Variants in GALNTL6 observed in about 807,000 individuals in gnomAD.
The protein encoded by GALNTL6 is polypeptide N-acetylgalactosaminyltransferase like 6.
A neutral mutation model predicts 73.7 loss-of-function variants in GALNTL6; 46 were observed. The ratio of observed to expected loss-of-function variants is 0.62; its 90% CI spans 0.49 to 0.80. The LOEUF (loss-of-function observed/expected upper bound fraction) is 0.80, where lower values mean the gene tolerates loss of function less well. GALNTL6 is among the 30% of genes least tolerant of loss of function. The pLI is 0.00. For synonymous variants in GALNTL6, 259 were observed against 263.7 expected (o/e 0.98, Z 0.17); for missense variants, 604 against 755.0 (o/e 0.80, Z 2.34).
intron 2 of GALNTL6, among the ~76,000 whole-genome samples, chr4:171,985,111 T>C (rs1320659544): frequency 1.3e-5 from 2 of 152,184 alleles, no homozygotes; most frequent in East Asian, 3.8e-4. Context: ...TTTATTGTGG[T>C]AACTGGCTTG....
intron 2 of GALNTL6, among the ~76,000 whole-genome samples, chr4:171,894,713 A>G (rs1420944841): frequency 6.6e-6 from 1 of 152,166 alleles, no homozygotes; most frequent in African/African-American, 2.4e-5. Flanking sequence ...TTCAAGTGAC[A>G]AAGTTGATAC....
At chr4:171,927,487 T>C (rs1042132731) in intron 2 of GALNTL6, among the ~76,000 whole-genome samples, 1 of 152,176 alleles carries the variant, frequency 6.6e-6, no homozygotes, top group Non-Finnish European at 1.5e-5. Context: ...ATATTATAAT[T>C]AGAGTAACTA....
At chr4:171,884,594 T>TC (rs1221223449) in intron 2 of GALNTL6, among the ~76,000 whole-genome samples, 4 of 151,866 alleles carry the variant, frequency 2.6e-5, no homozygotes. Context: ...ATATACATAT[T>TC]CATTTCAAAT....
chr4:172,444,954 G>A (rs1394228649), intron 5 of GALNTL6, among the ~76,000 whole-genome samples: 1 of 152,158 alleles, frequency 6.6e-6, no homozygotes, highest in African/African-American at 2.4e-5. Flanking sequence ...TGAACTCAAG[G>A]TAGATGTGGC....
chr4:172,183,001 TC>T (rs1337445347), intron 2 of GALNTL6, among the ~76,000 whole-genome samples: 1 of 152,302 alleles, frequency 6.6e-6, no homozygotes, highest in Non-Finnish European at 1.5e-5. Flanking sequence ...AGAAGACTGG[TC>T]CATTTTATTG....
At chr4:173,006,912 G>A (rs1163693393) in intron 10 of GALNTL6, among the ~76,000 whole-genome samples, 1 of 152,216 alleles carries the variant, frequency 6.6e-6, no homozygotes, top group Non-Finnish European at 1.5e-5. Flanking sequence ...GTTAAGAACT[G>A]TTCCCCTGTA....
At chr4:172,089,457 T>A (rs552075365) in intron 2 of GALNTL6, among the ~76,000 whole-genome samples, 1 of 152,262 alleles carries the variant, frequency 6.6e-6, no homozygotes, top group South Asian at 2.1e-4. Context: ...CAGTTTCAGT[T>A]TGCAGGGCTT....
At chr4:171,954,508 A>G (rs1738985157) in intron 2 of GALNTL6, among the ~76,000 whole-genome samples, 1 of 152,228 alleles carries the variant, frequency 6.6e-6, no homozygotes. Context: ...CTTCTGATTC[A>G]TGCAAAGTTA....
intron 2 of GALNTL6, among the ~76,000 whole-genome samples, chr4:172,059,204 T>A (rs1254529523): frequency 6.6e-6 from 1 of 152,178 alleles, no homozygotes; most frequent in Non-Finnish European, 1.5e-5. Context: ...GTGTTCTCTA[T>A]GAGAAGGAAG....
chr4:173,020,186 T>C (rs994521824), intron 11 of GALNTL6, among the ~76,000 whole-genome samples: 5 of 152,270 alleles, frequency 3.3e-5, no homozygotes, highest in African/African-American at 1.2e-4. Flanking sequence ...CAAATACCCT[T>C]ATTTGTTGTA....
At chr4:172,259,287 A>G (rs544129719) in intron 3 of GALNTL6, among the ~76,000 whole-genome samples, 1 of 151,448 alleles carries the variant, frequency 6.6e-6, no homozygotes, top group South Asian at 2.1e-4. Context: ...AATTTTTTAA[A>G]TTATGGCCAT....
Position 172,117,282 on chromosome 4 carries a change from T to C in GALNTL6, c.139-112374T>C, listed in dbSNP as rs150903943. On this transcript the variant is annotated intron_variant, in intron 2 of 12. Transcript: ENST00000506823. ...ATTAAACTGACCGTATTATATGCTA[T>C]GGTAATCACATATTGTCTAAAATGT... is the stretch of plus-strand genomic sequence containing the variant. Among the ~76,000 whole-genome samples, 591 of 152,342 alleles carry C rather than the reference T, an allele frequency of 3.9e-3. 3 individuals are homozygous for C. Among genetic ancestry groups the C allele is most frequent in the African/African-American group, 0.013 (552 of 41,588 alleles).
chr4:172,810,821 C>A (rs930894370), intron 6 of GALNTL6, among the ~76,000 whole-genome samples: 10 of 152,120 alleles, frequency 6.6e-5, no homozygotes, highest in Admixed American at 2.6e-4. Flanking sequence ...GCTTCATCAG[C>A]AACAGTGAGA....
At chr4:172,500,035 TG>T (rs1193388829) in intron 5 of GALNTL6, among the ~76,000 whole-genome samples, 10 of 152,108 alleles carry the variant, frequency 6.6e-5, no homozygotes, top group Non-Finnish European at 2.9e-5. Context: ...AATTTATAAA[TG>T]GGTCAAAATA....
chr4:172,386,443 G>A (rs1038129055), intron 5 of GALNTL6, among the ~76,000 whole-genome samples: 1 of 152,112 alleles, frequency 6.6e-6, no homozygotes, highest in Non-Finnish European at 1.5e-5. Context: ...CTTCATGAGA[G>A]TATTGTTATA....
At position 171,988,266 on chromosome 4, in the gene GALNTL6, C is replaced by G. The variant is rs551407659; in HGVS notation, c.138+173548C>G. The stretch of plus-strand genomic sequence containing the variant: ...GAGTTCTTGTTTTGTAAGGGATTGA[C>G]GTTTGGGAGATTAATCGGCCACAAT... On this transcript the variant is annotated intron_variant, in intron 2 of 12. Transcript: ENST00000506823. 1.1e-3 allele frequency among the ~76,000 whole-genome samples: 161 copies of G among 152,200 alleles called. 1 individual carries two copies. Among genetic ancestry groups the G allele is most frequent in the African/African-American group, 3.5e-3 (146 of 41,528 alleles).
intron 2 of GALNTL6, among the ~76,000 whole-genome samples, chr4:172,218,420 C>T (rs1736564321): frequency 6.6e-6 from 1 of 152,056 alleles, no homozygotes; most frequent in African/African-American, 2.4e-5. Flanking sequence ...GCTTAGTGTA[C>T]AATGGGGGCT....
chr4:171,951,857 C>T (rs1269228265), intron 2 of GALNTL6, among the ~76,000 whole-genome samples: 6 of 151,928 alleles, frequency 3.9e-5, no homozygotes, highest in Admixed American at 3.9e-4. Context: ...AAAGCTATAG[C>T]AATAATTTAG....
At chr4:172,464,799 C>G (rs1044644004) in intron 5 of GALNTL6, among the ~76,000 whole-genome samples, 4 of 152,048 alleles carry the variant, frequency 2.6e-5, no homozygotes, top group Non-Finnish European at 4.4e-5. Context: ...TCTATGTACA[C>G]TTTAAGCTGG....
Sources: allele counts gnomAD v4.1 joint callset (sites outside exome capture counted in the v4.1 genomes callset), GRCh38; gene constraint gnomAD v4.1.1; transcripts MANE v1.5; gene names NCBI Gene and HGNC (gene_info 2026-07-23, HGNC 2026-07-21).